RANBP3: variants seen among roughly 807,000 people sequenced by gnomAD.
The protein encoded by RANBP3 is ran-binding protein 3.
A neutral mutation model predicts 77.3 loss-of-function variants in RANBP3; 14 were observed. The observed-to-expected ratio is 0.18, with a 90% CI of 0.12 to 0.28. The LOEUF is 0.28. Ranked by LOEUF, RANBP3 falls within the 10% of genes least tolerant of loss-of-function variation. The pLI, the probability that RANBP3 is intolerant of heterozygous loss-of-function variation, is 1.00. For synonymous variants in RANBP3, 315 were observed against 312.4 expected (o/e 1.01, Z -0.09); for missense variants, 586 against 752.3 (o/e 0.78, Z 2.59).
At chr19:5,944,455 C>G (rs1320035948) in intron 3 of RANBP3, among the ~76,000 whole-genome samples, 1 of 152,212 alleles carries the variant, frequency 6.6e-6, no homozygotes, top group African/African-American at 2.4e-5. Context: ...TACAGAGAAG[C>G]AGCATCTGCC....
chr19:5,950,597 G>A (rs2145181601), intron 3 of RANBP3: 1 of 152,358 alleles, frequency 6.6e-6, no homozygotes, highest in Non-Finnish European at 1.5e-5. Context: ...TCAGGCGGTA[G>A]AGCTGGGTCC....
At chr19:5,942,422 G>A (rs1410484342) in intron 3 of RANBP3, among the ~76,000 whole-genome samples, 1 of 152,210 alleles carries the variant, frequency 6.6e-6, no homozygotes, top group Non-Finnish European at 1.5e-5. Context: ...GCTGAGGGAA[G>A]GCTCCTGAAG....
chr19:5,941,157 C>CGT (rs919887713), intron 5 of RANBP3, among the ~76,000 whole-genome samples: 1 of 152,154 alleles, frequency 6.6e-6, no homozygotes, highest in Admixed American at 6.5e-5. Flanking sequence ...TGCTGGTTAC[C>CGT]GTGTGTGTGT....
intron 1 of RANBP3, among the ~76,000 whole-genome samples, chr19:5,961,898 C>T (rs556558326): frequency 1.1e-4 from 17 of 151,944 alleles, no homozygotes; most frequent in African/African-American, 4.1e-4. Flanking sequence ...TTAGGGTGCA[C>T]TTCTGGACTT....
intron 9 of RANBP3, among the ~76,000 whole-genome samples, chr19:5,926,026 C>T (rs2057904090): frequency 6.6e-6 from 1 of 152,208 alleles, no homozygotes; most frequent in Admixed American, 6.5e-5. Context: ...CCTAAGCTGG[C>T]CTCTCGGTCA....
intron 8 of RANBP3, among the ~76,000 whole-genome samples, chr19:5,930,363 G>A (rs531859390): frequency 2.0e-5 from 3 of 152,320 alleles, no homozygotes; most frequent in Admixed American, 2.0e-4. Flanking sequence ...TAAAACTGCA[G>A]GCCATGGACA....
intron 1 of RANBP3, among the ~76,000 whole-genome samples, chr19:5,961,760 A>AAACAG (rs2058405405): frequency 6.6e-6 from 1 of 151,624 alleles, no homozygotes; most frequent in Admixed American, 6.6e-5. Flanking sequence ...AAACAAAACA[A>AAACAG]AACAAAACTG....
chr19:5,917,449 G>A lies in RANBP3; in HGVS notation c.*161C>T, dbSNP rs2144995181. 4 of 715,198 alleles carry A rather than the reference G, an allele frequency of 5.6e-6. No individual in the cohort carries two copies. In the Admixed American group the frequency reaches 1.2e-4, roughly 22 times the overall value. The allele number at this position is 715,198 out of a possible 1,614,324, so 44.3% of individuals were successfully genotyped here. The stretch of plus-strand genomic sequence containing the variant: ...CAAACCACATTCAGGCAGTTCCCGA[G>A]TCTGCTTTTGAACAGGACGTGCGGG... On this transcript the variant is annotated 3_prime_UTR_variant, in exon 17 of 17. Transcript: ENST00000340578.
At position 5,917,437 on chromosome 19, in the gene RANBP3, G is replaced by A. The variant is rs2057752943; in HGVS notation, c.*173C>T. On this transcript the variant is annotated 3_prime_UTR_variant, in exon 17 of 17. Coordinates refer to ENST00000340578, the MANE Select transcript of RANBP3 (RefSeq NM_007322.3). ...GGTCTCGTGTCCCAAACCACATTCA[G>A]GCAGTTCCCGAGTCTGCTTTTGAAC... The A allele has an allele frequency of 1.6e-6, 1 of 640,918 alleles. No homozygotes were observed. The highest frequency in any genetic ancestry group is 2.8e-5 in the East Asian group (1 of 35,340). 39.7% of individuals were successfully genotyped at this position (640,918 alleles called of 1,614,324 possible).
chr19:5,932,720 T>C, intron 6 of RANBP3, 176 bp from the exon 7 acceptor site: 2 of 588,478 alleles, frequency 3.4e-6, no homozygotes, highest in South Asian at 4.0e-5. Flanking sequence ...ATCTGGCTAC[T>C]GTTATTTTTA....
intron 5 of RANBP3, among the ~76,000 whole-genome samples, chr19:5,938,010 C>G (rs1348381916): frequency 1.3e-5 from 2 of 152,322 alleles, no homozygotes; most frequent in South Asian, 2.1e-4. Flanking sequence ...TCGTGCCCTT[C>G]CTGAGGACCC....
intron 5 of RANBP3, among the ~76,000 whole-genome samples, chr19:5,939,284 C>T (rs1380568495): frequency 1.3e-5 from 2 of 152,186 alleles, no homozygotes; most frequent in African/African-American, 4.8e-5. Context: ...GGACTTAGAG[C>T]TCCATGCAAC....
chr19:5,933,216 C>T, intron 6 of RANBP3, 198 bp downstream of exon 6: 1 of 526,928 alleles, frequency 1.9e-6, no homozygotes, highest in Non-Finnish European at 3.4e-6. Flanking sequence ...TTTCTGAACA[C>T]ACGACGCTCA....
intron 2 of RANBP3, among the ~76,000 whole-genome samples, chr19:5,957,325 A>C (rs576749467): frequency 1.8e-4 from 28 of 152,314 alleles, no homozygotes; most frequent in Admixed American, 4.6e-4. Context: ...GCTCATCGCC[A>C]TGAATCAGGC....
chr19:5,947,940 G>C (rs746365340), intron 3 of RANBP3, among the ~76,000 whole-genome samples: 3 of 152,220 alleles, frequency 2.0e-5, no homozygotes, highest in Non-Finnish European at 4.4e-5. Context: ...TGAAAATCAT[G>C]GTTGTCACAT....
chr19:5,961,993 C>T (rs964333374), intron 1 of RANBP3, among the ~76,000 whole-genome samples: 2 of 151,974 alleles, frequency 1.3e-5, no homozygotes, highest in African/African-American at 4.8e-5. Context: ...GACACCATCT[C>T]CTTCAGGAAG....
chr19:5,918,024 C>T lies in RANBP3; in HGVS notation c.1474-44G>A, dbSNP rs774336295. 5 of 1,525,768 alleles carry T rather than the reference C, an allele frequency of 3.3e-6. No individual in the cohort carries two copies. The African/African-American group carries it at 5.5e-5, about 17-fold the overall frequency. The allele number at this position is 1,525,768 out of a possible 1,614,324, so 94.5% of individuals were successfully genotyped here. On this transcript the variant is annotated intron_variant, in intron 15 of 16. Transcript: ENST00000340578. ...ATGAGACCCCCGGACCCCAGTCCTA[C>T]CCCCTCCTGCCTTCTGCAGAACACA...
chr19:5,962,000 G>A (rs1438201535), intron 1 of RANBP3, among the ~76,000 whole-genome samples: 1 of 151,820 alleles, frequency 6.6e-6, no homozygotes, highest in Non-Finnish European at 1.5e-5. Flanking sequence ...TCTCCTTCAG[G>A]AAGCTCCCAC....
intron 3 of RANBP3, among the ~76,000 whole-genome samples, chr19:5,948,622 A>T (rs2058237750): frequency 6.6e-6 from 1 of 152,180 alleles, no homozygotes; most frequent in Non-Finnish European, 1.5e-5. Context: ...GGCAGAGGCA[A>T]CCAGCTCAGA....
Sources: allele counts gnomAD v4.1 joint callset (sites outside exome capture counted in the v4.1 genomes callset), GRCh38; gene constraint gnomAD v4.1.1; transcripts MANE v1.5; gene names NCBI Gene and HGNC (gene_info 2026-07-23, HGNC 2026-07-21).